The following SORCS2 variants were observed in gnomAD, a reference collection of about 807,000 sequenced individuals.
SORCS2 encodes the protein VPS10 domain-containing receptor SorCS2.
A neutral mutation model predicts 141.6 loss-of-function variants in SORCS2; 100 were observed. That is an observed-to-expected ratio of 0.71 (90% CI 0.60 to 0.83). The LOEUF (loss-of-function observed/expected upper bound fraction) is 0.83, where lower values mean the gene tolerates loss of function less well. Among genes scored for constraint, SORCS2 ranks in the 40% least tolerant of loss-of-function variants. The pLI, the probability that SORCS2 is intolerant of heterozygous loss-of-function variation, is 0.00. For synonymous variants in SORCS2, 789 were observed against 676.9 expected (o/e 1.17, Z -2.57); for missense variants, 1,646 against 1,560.2 (o/e 1.05, Z -0.93).
rs536032057 is a variant in SORCS2 at position 7,259,113 on chromosome 4, A to G, written c.480+65987A>G. Among the ~76,000 whole-genome samples, 60 of 152,328 alleles carry G rather than the reference A, an allele frequency of 3.9e-4. 1 individual carries two copies. In the South Asian group the frequency reaches 9.5e-3, roughly 24 times the overall value. ...CTGATGATAGTTTCTTTTGCTGTGT[A>G]GAAGCTCTTTCGTTTAATTAGATCC... On this transcript the variant is annotated intron_variant, in intron 1 of 26. Coordinates refer to ENST00000507866, the MANE Select transcript of SORCS2 (RefSeq NM_020777.3).
intron 1 of SORCS2, among the ~76,000 whole-genome samples, chr4:7,314,815 T>TCA: frequency 1.3e-5 from 1 of 79,890 alleles, no homozygotes; most frequent in East Asian, 5.7e-4. Flanking sequence ...TTTTTTTTTT[T>TCA]TTTTTTTTTT....
At chr4:7,532,212 T>C (rs892914995) in intron 3 of SORCS2, among the ~76,000 whole-genome samples, 1 of 152,152 alleles carries the variant, frequency 6.6e-6, no homozygotes, top group Non-Finnish European at 1.5e-5. Flanking sequence ...GCCCACCCCC[T>C]GAGCCCAGAT....
Position 7,505,347 on chromosome 4 carries a change from G to C in SORCS2, c.549-26183G>C, listed in dbSNP as rs983220685. The stretch of plus-strand genomic sequence containing the variant: ...ACGGGGCTGGGGGCTGTTCTCAGAA[G>C]GTCTCACTGAATTGTCTCACTGACC... On this transcript the variant is annotated intron_variant, in intron 2 of 26. Transcript: ENST00000507866. Among the ~76,000 whole-genome samples the C allele has an allele frequency of 1.3e-4, 20 of 152,242 alleles. No homozygotes were observed. The East Asian group carries it at 3.9e-3, about 29-fold the overall frequency.
At chr4:7,398,370 T>A (rs989695934) in intron 2 of SORCS2, among the ~76,000 whole-genome samples, 2 of 152,230 alleles carry the variant, frequency 1.3e-5, no homozygotes, top group African/African-American at 4.8e-5. Context: ...AAGATGCCCC[T>A]GAGGGGAAGT....
At chr4:7,689,784 A>T (rs1169293670) in intron 11 of SORCS2, among the ~76,000 whole-genome samples, 196 bp downstream of exon 11, 1 of 152,254 alleles carries the variant, frequency 6.6e-6, no homozygotes, top group Non-Finnish European at 1.5e-5. Context: ...GGGTGGGCAT[A>T]TGGTATGTGT....
chr4:7,416,603 C>T (rs7691124), intron 2 of SORCS2, among the ~76,000 whole-genome samples: 31,064 of 152,170 alleles, frequency 0.2, 3,666 homozygotes, highest in East Asian at 0.38. Flanking sequence ...CACACTTGTG[C>T]GTATACACAG....
chr4:7,650,434 G>C (rs952774361), intron 4 of SORCS2, among the ~76,000 whole-genome samples: 1 of 152,162 alleles, frequency 6.6e-6, no homozygotes, highest in African/African-American at 2.4e-5. Context: ...CCCTCAAAGC[G>C]GGAGGCCAGA....
At chr4:7,203,840 G>A (rs1020270566) in intron 1 of SORCS2, among the ~76,000 whole-genome samples, 16 of 151,700 alleles carry the variant, frequency 1.1e-4, no homozygotes, top group Non-Finnish European at 2.1e-4. Flanking sequence ...CTCCACCCCC[G>A]CCACTCACAG....
At chr4:7,241,089 C>G (rs1286777551) in intron 1 of SORCS2, among the ~76,000 whole-genome samples, 2 of 152,168 alleles carry the variant, frequency 1.3e-5, no homozygotes, top group Admixed American at 6.5e-5. Flanking sequence ...CTTGTGCCAC[C>G]ATGCCTGGCT....
chr4:7,631,828 G>A lies in SORCS2; in HGVS notation c.649-6500G>A, dbSNP rs374567376. 1.4e-4 allele frequency among the ~76,000 whole-genome samples: 22 copies of A among 152,268 alleles called. No homozygotes were observed. In the East Asian group the frequency reaches 2.3e-3, roughly 16 times the overall value. ...TCGGAAATCCATCGTGAAAGCCCTG[G>A]ACAGAGCTGCCGCTGCAGACTTCTG... On this transcript the variant is annotated intron_variant, in intron 3 of 26. Coordinates refer to ENST00000507866, the MANE Select transcript of SORCS2 (RefSeq NM_020777.3).
At chr4:7,682,057 G>A (rs139585522) in intron 9 of SORCS2, among the ~76,000 whole-genome samples, 198 of 152,260 alleles carry the variant, frequency 1.3e-3, no homozygotes, top group African/African-American at 4.5e-3. Context: ...CAAACCACTC[G>A]GTTGAACTAT....
chr4:7,689,469 CT>C lies in SORCS2; in HGVS notation c.1489-14del. The stretch of plus-strand genomic sequence containing the variant: ...CTACTCATGTGTTGACAGTTGCGTC[CT>C]TTCTCTTCCTTGCAGCCAGACTGCC... On this transcript the variant is annotated splice_polypyrimidine_tract_variant and intron_variant, in intron 10 of 26. Coordinates refer to ENST00000507866, the MANE Select transcript of SORCS2 (RefSeq NM_020777.3). 1 of 1,577,790 alleles carries C rather than the reference CT, an allele frequency of 6.3e-7. No individual in the cohort carries two copies. Among genetic ancestry groups the C allele is most frequent in the Non-Finnish European group, 8.6e-7 (1 of 1,162,270 alleles).
chr4:7,656,289 C>T (rs1293580240), intron 5 of SORCS2, among the ~76,000 whole-genome samples: 5 of 152,162 alleles, frequency 3.3e-5, no homozygotes, highest in East Asian at 3.9e-4. Flanking sequence ...TGGGCAGGGC[C>T]GCGGGTACCC....
rs1553806169 is a variant in SORCS2, at chr4:7,716,682, A to ACTGTCCAT, written c.2253-1329_2253-1328insTGTCCATC. On this transcript the variant is annotated intron_variant, in intron 17 of 26. Coordinates refer to ENST00000507866, the MANE Select transcript of SORCS2 (RefSeq NM_020777.3). The stretch of plus-strand genomic sequence containing the variant: ...CCACCATCTATCTATTCATTCATTC[A>ACTGTCCAT]CCGTCCATCCATCCATCCATCCATC... Among the ~76,000 whole-genome samples the ACTGTCCAT allele has an allele frequency of 6.3e-5, 3 of 47,468 alleles. No homozygotes were observed. In the East Asian group the frequency reaches 3.3e-3, roughly 51 times the overall value. 31.1% of individuals were successfully genotyped at this position (47,468 alleles called of 152,430 possible). A position where few individuals can be genotyped will look rare whatever the true frequency, so the allele number is the denominator to read the frequency against.
chr4:7,608,183 G>A (rs954704631), intron 3 of SORCS2, among the ~76,000 whole-genome samples: 2 of 152,128 alleles, frequency 1.3e-5, no homozygotes, highest in Admixed American at 1.3e-4. Flanking sequence ...AGCCTCCCTC[G>A]TCACTTCCTG....
At chr4:7,202,160 A>G (rs918346423) in intron 1 of SORCS2, among the ~76,000 whole-genome samples, 1 of 152,194 alleles carries the variant, frequency 6.6e-6, no homozygotes, top group African/African-American at 2.4e-5. Context: ...GCTGTAAAAC[A>G]CAGACTTAGG....
chr4:7,695,299 GGTGA>G (rs766290674), intron 11 of SORCS2, among the ~76,000 whole-genome samples: 1 of 69,868 alleles, frequency 1.4e-5, no homozygotes, highest in Admixed American at 1.5e-4. Flanking sequence ...TGGTTGGATG[GGTGA>G]GTGAATGGGT....
intron 1 of SORCS2, among the ~76,000 whole-genome samples, chr4:7,243,652 G>A (rs1017482197): frequency 3.3e-5 from 5 of 152,230 alleles, no homozygotes; most frequent in Admixed American, 1.3e-4. Context: ...CAAAACTCCA[G>A]ACTCTCAGAA....
chr4:7,324,947 C>G (rs1719147793), intron 1 of SORCS2, among the ~76,000 whole-genome samples: 1 of 152,238 alleles, frequency 6.6e-6, no homozygotes, highest in African/African-American at 2.4e-5. Context: ...GGATTTGACT[C>G]TGGCTCTGCT....
Sources: allele counts gnomAD v4.1 joint callset (sites outside exome capture counted in the v4.1 genomes callset), GRCh38; gene constraint gnomAD v4.1.1; transcripts MANE v1.5; gene names NCBI Gene and HGNC (gene_info 2026-07-23, HGNC 2026-07-21).